ACVR1: variants seen among roughly 807,000 people sequenced by gnomAD.
The protein encoded by ACVR1 is activin receptor type-1.
A neutral mutation model predicts 57.1 loss-of-function variants in ACVR1; 38 were observed. The observed-to-expected ratio is 0.67, with a 90% CI of 0.51 to 0.87. The LOEUF (loss-of-function observed/expected upper bound fraction) is 0.87, where lower values mean the gene tolerates loss of function less well. ACVR1 is among the 40% of genes least tolerant of loss of function. The probability of loss-of-function intolerance (pLI) is 0.00; values close to 1 mark genes in which losing one functional copy is unlikely to be tolerated. For missense variants in ACVR1, 463 were observed against 638.2 expected (o/e 0.73, Z 2.96); for synonymous variants, 212 against 228.1 (o/e 0.93, Z 0.63).
At chr2:157,804,822 G>C (rs1053165121) in intron 2 of ACVR1, among the ~76,000 whole-genome samples, 1 of 152,196 alleles carries the variant, frequency 6.6e-6, no homozygotes. Context: ...CACCAGGGTA[G>C]TACAAAACGA....
chr2:157,750,608 A>G (rs894471707), intron 9 of ACVR1, among the ~76,000 whole-genome samples: 10 of 152,224 alleles, frequency 6.6e-5, no homozygotes, highest in Non-Finnish European at 1.3e-4. Context: ...TTTCCCTACA[A>G]AAACCAAACC....
chr2:157,827,955 G>C (rs866862383), intron 1 of ACVR1, among the ~76,000 whole-genome samples: 43 of 152,220 alleles, frequency 2.8e-4, no homozygotes, highest in African/African-American at 1.0e-3. Context: ...ATTCTTCTTA[G>C]GTATTTCTTT....
intron 1 of ACVR1, among the ~76,000 whole-genome samples, chr2:157,839,478 G>A (rs1688903707): frequency 6.6e-6 from 1 of 152,210 alleles, no homozygotes. Flanking sequence ...CCAGCCCCAG[G>A]CTGACAAGAC....
intron 3 of ACVR1, chr2:157,790,278 C>T (rs187760845): frequency 2.0e-5 from 3 of 152,342 alleles, no homozygotes; most frequent in Admixed American, 6.5e-5. Context: ...GTTTTGGTTC[C>T]GTTTCGAACT....
chr2:157,760,755 C>T, intron 9 of ACVR1, 125 bp downstream of exon 9: 2 of 912,740 alleles, frequency 2.2e-6, no homozygotes, highest in Non-Finnish European at 1.7e-6. Flanking sequence ...AATATGAATG[C>T]CTATAACTCG....
At chr2:157,813,229 G>A (rs1423460469) in intron 2 of ACVR1, among the ~76,000 whole-genome samples, 1 of 151,788 alleles carries the variant, frequency 6.6e-6, no homozygotes, top group Non-Finnish European at 1.5e-5. Context: ...AAAACAATGC[G>A]ATTCTGCTGC....
At chr2:157,749,581 C>T (rs1384915277) in intron 9 of ACVR1, among the ~76,000 whole-genome samples, 8 of 152,124 alleles carry the variant, frequency 5.3e-5, no homozygotes, top group Admixed American at 4.6e-4. Flanking sequence ...CAAGTTAAAA[C>T]TCCCTTGTGA....
In ACVR1 at chr2:157,766,012, C is replaced by G; in HGVS notation, c.975G>C (p.Gly325=). The G allele has an allele frequency of 1.9e-6, 3 of 1,614,126 alleles. No homozygotes were observed. Among genetic ancestry groups the G allele is most frequent in the Non-Finnish European group, 2.5e-6 (3 of 1,180,002 alleles). The change falls in exon 8 of 11, where the codon GGG becomes GGC. Residue 325 remains glycine (G), a synonymous_variant. Transcript: ENST00000434821. ...GLAHLHIEIF[G]TQGKPAIAHR... ...GGGCAATGGCTGGTTTCCCTTGGGT[C>G]CCAAATATCTCTATGTGCAAATGTG...
intron 1 of ACVR1, among the ~76,000 whole-genome samples, chr2:157,844,968 T>C (rs985392911): frequency 6.6e-6 from 1 of 152,152 alleles, no homozygotes. Flanking sequence ...TCTTTGAACC[T>C]CCAGAACTGT....
chr2:157,801,800 A>AT (rs1159569473), intron 2 of ACVR1, among the ~76,000 whole-genome samples: 1 of 152,184 alleles, frequency 6.6e-6, no homozygotes, highest in Non-Finnish European at 1.5e-5. Flanking sequence ...TTTTTATGGG[A>AT]TATGTCATCA....
intron 1 of ACVR1, among the ~76,000 whole-genome samples, chr2:157,862,470 C>T (rs868557097): frequency 6.8e-6 from 1 of 146,524 alleles, no homozygotes; most frequent in Non-Finnish European, 1.5e-5. Context: ...GAGTACAAAA[C>T]AGACATACCT....
intron 3 of ACVR1, among the ~76,000 whole-genome samples, chr2:157,781,009 A>C (rs529928798): frequency 3.9e-5 from 6 of 152,206 alleles, no homozygotes; most frequent in Non-Finnish European, 7.3e-5. Context: ...ATTCCAAAAA[A>C]AAAGCTCCTA....
intron 9 of ACVR1, among the ~76,000 whole-genome samples, chr2:157,744,942 G>C (rs1470147388): frequency 1.3e-5 from 2 of 152,202 alleles, no homozygotes; most frequent in African/African-American, 4.8e-5. Context: ...ACAGGAGTTG[G>C]AAAGACAGCC....
At chr2:157,798,435 T>C (rs1687201213) in intron 3 of ACVR1, among the ~76,000 whole-genome samples, 1 of 150,282 alleles carries the variant, frequency 6.7e-6, no homozygotes, top group Non-Finnish European at 1.5e-5. Context: ...TTATTACCTA[T>C]ATAGGTGCAA....
intron 2 of ACVR1, among the ~76,000 whole-genome samples, chr2:157,808,879 T>TAAAA (rs71404307): frequency 1.4e-5 from 2 of 137,984 alleles, no homozygotes; most frequent in East Asian, 4.2e-4. Context: ...GTAATACATT[T>TAAAA]AAAAAAAAAA....
chr2:157,820,169 AGACATGTAAAACTATCTTCCATAG>A (rs1477055855), intron 1 of ACVR1, among the ~76,000 whole-genome samples: 2 of 152,252 alleles, frequency 1.3e-5, no homozygotes, highest in African/African-American at 4.8e-5. Flanking sequence ...AGTAAGAATA[AGACATGTAAAACTATCTTCCATAG>A]GGAGGTCAAC....
rs1426122989 is a variant in ACVR1 at position 157,786,645 on chromosome 2, T to C, written c.68-6045A>G. Among the ~76,000 whole-genome samples, 4 of 152,178 alleles carry C rather than the reference T, an allele frequency of 2.6e-5. No homozygotes were observed. In the East Asian group the frequency reaches 7.7e-4, roughly 29 times the overall value. The stretch of plus-strand genomic sequence containing the variant: ...CTTGTTAATTTGTTAAAAGAACAGG[T>C]AAAATACAAGTGTTCCTTAAAAAAA... On this transcript the variant is annotated intron_variant, in intron 3 of 10. Transcript: ENST00000434821.
intron 1 of ACVR1, among the ~76,000 whole-genome samples, chr2:157,868,008 C>T (rs1689996462): frequency 6.6e-6 from 1 of 152,096 alleles, no homozygotes; most frequent in Admixed American, 6.5e-5. Flanking sequence ...CCATAATGTG[C>T]CTCTAAATCT....
chr2:157,746,984 TA>T (rs145948338), intron 9 of ACVR1, among the ~76,000 whole-genome samples: 5,294 of 152,216 alleles, frequency 0.035, 269 homozygotes, highest in African/African-American at 0.12. Context: ...ATAAAAAATA[TA>T]AAAATGCAAC....
Sources: gnomAD v4.1 joint callset for allele counts (sites outside exome capture counted in the v4.1 genomes callset) on GRCh38, gnomAD v4.1.1 for gene constraint, MANE v1.5 for transcripts, NCBI Gene and HGNC (gene_info 2026-07-23, HGNC 2026-07-21) for gene names.